The following MYOM3 variants were observed in gnomAD, a reference collection of about 807,000 sequenced individuals.
MYOM3 encodes the protein myomesin 3.
MYOM3 carries 155 observed loss-of-function variants against 191.7 expected under a neutral mutation model. That is an observed-to-expected ratio of 0.81 (90% CI 0.71 to 0.92). The LOEUF is 0.92. MYOM3 is among the 40% of genes least tolerant of loss of function. The pLI is 0.00. For missense variants in MYOM3, 1,889 were observed against 1,890.6 expected (o/e 1.00, Z 0.02); for synonymous variants, 757 against 762.9 (o/e 0.99, Z 0.13).
At chr1:24,107,283 G>T (rs1012984271) in intron 3 of MYOM3, 51 bp from the exon 4 acceptor site, 20 of 1,507,564 alleles carry the variant, frequency 1.3e-5, no homozygotes, top group Non-Finnish European at 1.7e-5. Context: ...GGATGCCTGG[G>T]GCATCCTGGC....
chr1:24,063,304 G>C lies in MYOM3; in HGVS notation c.3662-70C>G. The C allele has an allele frequency of 6.9e-7, 1 of 1,439,888 alleles. No homozygotes were observed. Among genetic ancestry groups the C allele is most frequent in the South Asian group, 1.1e-5 (1 of 87,344 alleles). The allele number at this position is 1,439,888 out of a possible 1,614,324, so 89.2% of individuals were successfully genotyped here. ...AGGCATCAGATTTTGGGGCCGGCTT[G>C]TCTGCCTCTGCCCTGGGGGGCAGGT... On this transcript the variant is annotated intron_variant, in intron 31 of 36. Transcript: ENST00000374434. The surrounding 1 kb of genome is among the most constrained non-coding windows in gnomAD (Gnocchi z 4.5).
Position 24,108,606 on chromosome 1 carries a change from C to T in MYOM3, c.31G>A (p.Gly11Arg). Reference protein sequence around the residue: MTLPHSLGGAGDPRPPQAMEV... With the variant: MTLPHSLGGARDPRPPQAMEV... The stretch of plus-strand genomic sequence containing the variant: ...ATGGCCTGGGGGGGCCGGGGGTCCC[C>T]CGCACCTCCCAAGCTGTGCGGCAGA... The change falls in exon 2 of 37, where the codon GGG becomes AGG. Residue 11 changes from glycine (G) to arginine (R), a missense_variant. Coordinates refer to ENST00000374434, the MANE Select transcript of MYOM3 (RefSeq NM_152372.4). 1.9e-6 allele frequency: 3 copies of T among 1,567,630 alleles called. No homozygotes were observed. Among genetic ancestry groups the T allele is most frequent in the Non-Finnish European group, 1.7e-6 (2 of 1,157,872 alleles).
chr1:24,072,236 G>C (rs1643541170), intron 23 of MYOM3, among the ~76,000 whole-genome samples: 1 of 152,174 alleles, frequency 6.6e-6, no homozygotes, highest in Non-Finnish European at 1.5e-5. Flanking sequence ...TGGCCACCCT[G>C]AGATTGCGTC....
At position 24,074,239 on chromosome 1, in the gene MYOM3, G is replaced by A. The variant is rs143604444; in HGVS notation, c.2889C>T (p.Leu963=). ...KSKVILKEPG[L]EDLGTYSVIV... is the part of the protein sequence containing the mutation. Reference sequence around the variant, plus strand: ...TGACTGAGTAGGTGCCCAAATCCTCGAGGCCGGGTTCTTTCAGGATGACCT... The same window carrying A: ...TGACTGAGTAGGTGCCCAAATCCTCAAGGCCGGGTTCTTTCAGGATGACCT... The change falls in exon 23 of 37, where the codon CTC becomes CTT. Residue 963 remains leucine, a synonymous_variant. Transcript: ENST00000374434. The A allele has an allele frequency of 8.1e-6, 13 of 1,614,064 alleles. No homozygotes were observed. Among genetic ancestry groups the A allele is most frequent in the South Asian group, 1.1e-5 (1 of 91,078 alleles).
chr1:24,059,944 G>GA (rs1336331783), intron 35 of MYOM3, among the ~76,000 whole-genome samples: 1 of 152,204 alleles, frequency 6.6e-6, no homozygotes, highest in Non-Finnish European at 1.5e-5. Context: ...CCCAGATGGG[G>GA]AGGGGAAGGC....
rs41302034 is a variant in MYOM3 at position 24,062,106 on chromosome 1, G to T, written c.3774C>A (p.Asp1258Glu). Residue 1258 changes from aspartate to glutamate, a missense_variant, in exon 33 of 37, where the codon GAC becomes GAA. Transcript: ENST00000374434. ...EYMKTTWFHKDKRLESGDRIR... is the reference protein window; with the variant it reads ...EYMKTTWFHKEKRLESGDRIR... Reference sequence around the variant, plus strand: ...TCCGATCACCACTCTCCAGACGTTTGTCTCTGAATGTGAGGGTGGAGAAAT... The same window carrying T: ...TCCGATCACCACTCTCCAGACGTTTTTCTCTGAATGTGAGGGTGGAGAAAT... 6.2e-7 allele frequency: 1 copy of T among 1,614,040 alleles called. No individual in the cohort carries two copies. The highest frequency in any genetic ancestry group is 8.5e-7 in the Non-Finnish European group (1 of 1,179,986).
chr1:24,105,963 G>A lies in MYOM3; in HGVS notation c.517C>T (p.Leu173=), dbSNP rs1024773843. Residue 173 remains leucine (L), a synonymous_variant, in exon 5 of 37, where the codon CTG becomes TTG. Coordinates refer to ENST00000374434, the MANE Select transcript of MYOM3 (RefSeq NM_152372.4). ...HAVWEHTTVL[L]TCTVQASPPP... The stretch of plus-strand genomic sequence containing the variant: ...GGTGAGGCCTGGACAGTGCAGGTCA[G>A]CAGGACCGTGGTGTGCTCCCAGACG... The A allele has an allele frequency of 1.5e-5, 25 of 1,613,928 alleles. No homozygotes were observed. Among genetic ancestry groups the A allele is most frequent in the Non-Finnish European group, 2.0e-5 (24 of 1,179,976 alleles).
intron 29 of MYOM3, 156 bp from the exon 30 acceptor site, chr1:24,064,315 G>A (rs2148542305): frequency 1.7e-6 from 1 of 591,404 alleles, no homozygotes; most frequent in South Asian, 2.0e-5. Context: ...TACTCATCTG[G>A]GCTGGGTGAG....
chr1:24,073,572 G>A (rs896196246), intron 23 of MYOM3, among the ~76,000 whole-genome samples: 1 of 152,152 alleles, frequency 6.6e-6, no homozygotes, highest in African/African-American at 2.4e-5. Flanking sequence ...CTTACTAAAA[G>A]TGGGAAAACA....
chr1:24,075,537 C>T (rs1643586443), intron 21 of MYOM3, 62 bp from the exon 22 acceptor site: 14 of 1,482,762 alleles, frequency 9.4e-6, no homozygotes, highest in South Asian at 7.0e-5. Context: ...GGTCACACCC[C>T]TCCCCTGCTT....
rs186514388 is a variant in MYOM3, at chr1:24,108,101, G to C, written c.162-28C>G. 1,092 of 1,606,080 alleles carry C rather than the reference G, an allele frequency of 6.8e-4. 14 individuals are homozygous for C. The African/African-American group carries it at 0.013, about 19-fold the overall frequency. ...GCTCCCAGAAGGAGGGGAGTAAATG[G>C]CTCTTGCAGGATTGGCTGGGGGCTC... On this transcript the variant is annotated intron_variant, in intron 2 of 36. Coordinates refer to ENST00000374434, the MANE Select transcript of MYOM3 (RefSeq NM_152372.4).
chr1:24,062,733 C>T (rs1037510874), intron 32 of MYOM3, among the ~76,000 whole-genome samples: 1 of 152,134 alleles, frequency 6.6e-6, no homozygotes, highest in East Asian at 1.9e-4. Flanking sequence ...TCTGCAGAGG[C>T]CCACAAGGGT....
At position 24,096,833 on chromosome 1, in the gene MYOM3, C is replaced by T. The variant is rs377664427; in HGVS notation, c.745+1090G>A. On this transcript the variant is annotated intron_variant, in intron 7 of 36. Coordinates refer to ENST00000374434, the MANE Select transcript of MYOM3 (RefSeq NM_152372.4). ...CTTCTGGGCCCAAAGGTGTGACCCC[C>T]TTGGGCAGTGCCCTGCCCTGGTCAT... 2.4e-4 allele frequency among the ~76,000 whole-genome samples: 36 copies of T among 152,344 alleles called. No individual in the cohort carries two copies. The South Asian group carries it at 6.8e-3, about 29-fold the overall frequency.
chr1:24,080,290 T>A, intron 19 of MYOM3, 96 bp from the exon 20 acceptor site: 3 of 966,594 alleles, frequency 3.1e-6, no homozygotes, highest in Non-Finnish European at 4.6e-6. Flanking sequence ...AACAAGCTTG[T>A]CAATCCCTCA....
chr1:24,067,442 CCTTT>C lies in MYOM3; in HGVS notation c.3356-358_3356-355del, dbSNP rs1422712212. Reference sequence around the variant, plus strand: ...TCCTTCCTTCCTTCCTTCCTTCCTTCCTTTGTTTCCTTCCTTCTTTCTTTCTTTC... The same window carrying C: ...TCCTTCCTTCCTTCCTTCCTTCCTTCGTTTCCTTCCTTCTTTCTTTCTTTC... On this transcript the variant is annotated intron_variant, in intron 27 of 36. Transcript: ENST00000374434. 2.0e-3 allele frequency among the ~76,000 whole-genome samples: 161 copies of C among 79,214 alleles called. 3 individuals are homozygous for C. The highest frequency in any genetic ancestry group is 7.9e-3 in the African/African-American group (152 of 19,180). 52.0% of individuals were successfully genotyped at this position (79,214 alleles called of 152,430 possible).
In MYOM3 at chr1:24,111,122, C is replaced by T. The variant is rs757226110; in HGVS notation, c.-19+909G>A. On this transcript the variant is annotated intron_variant, in intron 1 of 36. Transcript: ENST00000374434. The surrounding 1 kb of genome is among the most constrained non-coding windows in gnomAD (Gnocchi z 4.7). ...GTGGTATTAAGCAGGGACAAGTTTGCGGCCTCACTGCCCTTTCCCAAAGGA... is the reference window on the plus strand; with the variant it reads ...GTGGTATTAAGCAGGGACAAGTTTGTGGCCTCACTGCCCTTTCCCAAAGGA... Among the ~76,000 whole-genome samples, 1 of 152,240 alleles carries T rather than the reference C, an allele frequency of 6.6e-6. No individual in the cohort carries two copies.
In MYOM3 at chr1:24,108,516, G is replaced by A. The variant is rs976472393; in HGVS notation, c.121C>T (p.Arg41Cys). 3.2e-6 allele frequency: 5 copies of A among 1,579,670 alleles called. No homozygotes were observed. Among genetic ancestry groups the A allele is most frequent in the African/African-American group, 2.7e-5 (2 of 74,256 alleles). The change falls in exon 2 of 37, where the codon CGC (arginine) becomes TGC (cysteine). Residue 41 changes from arginine (R) to cysteine (C), a missense_variant. Transcript: ENST00000374434. ...CGCCTCCGCACAGAGGAGCCCATGC[G>A]CAGGCTGTGCTGCCGCTCCTCCTTC... ...EQKEERQHSL[R>C]MGSSVRRRTF...
chr1:24,100,517 C>A (rs1009904236), intron 5 of MYOM3, among the ~76,000 whole-genome samples: 1 of 152,070 alleles, frequency 6.6e-6, no homozygotes, highest in Non-Finnish European at 1.5e-5. Flanking sequence ...CAGACCCCTG[C>A]CGCTCTTCCC....
At chr1:24,075,221 TG>T in intron 22 of MYOM3, 97 bp downstream of exon 22, 1 of 1,212,244 alleles carries the variant, frequency 8.2e-7, no homozygotes, top group Middle Eastern at 2.9e-4. Context: ...CCATCATGGA[TG>T]GGTCCTGCCC....
Sources: gnomAD v4.1 joint callset for allele counts (sites outside exome capture counted in the v4.1 genomes callset) on GRCh38, gnomAD v4.1.1 for gene constraint, Gnocchi (gnomAD v3.1) non-coding constraint, MANE v1.5 for transcripts, NCBI Gene and HGNC (gene_info 2026-07-23, HGNC 2026-07-21) for gene names.